The following MBD5 variants were observed in gnomAD, a reference collection of about 807,000 sequenced individuals.
MBD5 encodes the protein methyl-CpG binding domain protein 5.
MBD5 carries 13 observed loss-of-function variants against 117.3 expected under a neutral mutation model. That is an observed-to-expected ratio of 0.11 (90% CI 0.07 to 0.18). MBD5 has a LOEUF of 0.18. Ranked by LOEUF, MBD5 falls within the 10% of genes least tolerant of loss-of-function variation. The probability of loss-of-function intolerance (pLI) is 1.00; values close to 1 mark genes in which losing one functional copy is unlikely to be tolerated. For missense variants in MBD5, 1,879 were observed against 2,093.8 expected (o/e 0.90, Z 2.00); for synonymous variants, 727 against 766.4 (o/e 0.95, Z 0.85).
chr2:148,383,721 G>A (rs1421063105), intron 4 of MBD5, among the ~76,000 whole-genome samples: 2 of 152,038 alleles, frequency 1.3e-5, no homozygotes, highest in African/African-American at 2.4e-5. Context: ...ATAAAATACT[G>A]GCAAACTGAA....
chr2:148,089,270 C>T (rs1453962313), intron 1 of MBD5, among the ~76,000 whole-genome samples: 1 of 152,036 alleles, frequency 6.6e-6, no homozygotes, highest in Non-Finnish European at 1.5e-5. Context: ...GACTTCAGTA[C>T]TCCACTGAGA....
Position 148,256,374 on chromosome 2 carries a change from G to A in MBD5, c.-680+22979G>A, listed in dbSNP as rs72856350. 3.8e-3 allele frequency among the ~76,000 whole-genome samples: 572 copies of A among 152,342 alleles called. 3 individuals are homozygous for A. Among genetic ancestry groups the A allele is most frequent in the Middle Eastern group, 6.8e-3 (2 of 294 alleles). On this transcript the variant is annotated intron_variant, in intron 3 of 13. Transcript: ENST00000642680. ...GGCATCTGCCTCATCATTGCCGGGGGTGGCCAAAGGCATATGGCCTGACAC... is the reference window on the plus strand; with the variant it reads ...GGCATCTGCCTCATCATTGCCGGGGATGGCCAAAGGCATATGGCCTGACAC...
chr2:148,086,299 A>G (rs1482837446), intron 1 of MBD5, among the ~76,000 whole-genome samples: 8 of 152,120 alleles, frequency 5.3e-5, no homozygotes, highest in Non-Finnish European at 1.2e-4. Flanking sequence ...CTGGAGTCAC[A>G]TATTTTGTAA....
chr2:148,331,523 T>C (rs562831429), intron 3 of MBD5, among the ~76,000 whole-genome samples: 1 of 152,316 alleles, frequency 6.6e-6, no homozygotes, highest in East Asian at 1.9e-4. Flanking sequence ...TATTTAGATA[T>C]TGAGTATTTC....
intron 3 of MBD5, among the ~76,000 whole-genome samples, chr2:148,302,009 G>T (rs1701785708): frequency 6.6e-6 from 1 of 152,128 alleles, no homozygotes; most frequent in African/African-American, 2.4e-5. Flanking sequence ...ATGGTTGCCT[G>T]ACATTCTTGG....
In MBD5 at chr2:148,284,253, CT is replaced by C. The variant is rs578078640; in HGVS notation, c.-680+50867del. Among the ~76,000 whole-genome samples, 907 of 151,460 alleles carry C rather than the reference CT, an allele frequency of 6.0e-3. 6 individuals are homozygous for C. Among genetic ancestry groups the C allele is most frequent in the Non-Finnish European group, 9.8e-3 (667 of 67,806 alleles). Reference sequence around the variant, plus strand: ...TTAACCAGCCCCTAATAAAGGAACACTTTTTTTTTCAATCTTTTGCTGATGT... The same window carrying C: ...TTAACCAGCCCCTAATAAAGGAACACTTTTTTTTCAATCTTTTGCTGATGT... On this transcript the variant is annotated intron_variant, in intron 3 of 13. Coordinates refer to ENST00000642680, the MANE Select transcript of MBD5 (RefSeq NM_001378120.1).
At chr2:148,418,191 A>C (rs866902695) in intron 4 of MBD5, among the ~76,000 whole-genome samples, 7 of 152,096 alleles carry the variant, frequency 4.6e-5, no homozygotes, top group South Asian at 4.1e-4. Flanking sequence ...TCTGAATATT[A>C]GTCCTTTTTC....
chr2:148,281,169 T>C (rs1701236475), intron 3 of MBD5, among the ~76,000 whole-genome samples: 1 of 152,174 alleles, frequency 6.6e-6, no homozygotes. Context: ...TGTGCAAACA[T>C]TCTTATCTGC....
chr2:148,143,649 G>A (rs1332279377), intron 1 of MBD5, among the ~76,000 whole-genome samples: 1 of 152,130 alleles, frequency 6.6e-6, no homozygotes, highest in Non-Finnish European at 1.5e-5. Flanking sequence ...TCCCCACCCT[G>A]TGTCCAAGTG....
chr2:148,114,171 G>A (rs1210755278), intron 1 of MBD5, among the ~76,000 whole-genome samples: 1 of 152,020 alleles, frequency 6.6e-6, no homozygotes, highest in Non-Finnish European at 1.5e-5. Flanking sequence ...CAGTTGCTAG[G>A]TAAAGAGTAT....
chr2:148,332,517 G>T (rs1702685124), intron 3 of MBD5, among the ~76,000 whole-genome samples: 1 of 152,116 alleles, frequency 6.6e-6, no homozygotes, highest in Admixed American at 6.5e-5. Context: ...GGTCTTGCCT[G>T]TCTGAAGATG....
chr2:148,299,111 C>T (rs1436704241), intron 3 of MBD5, among the ~76,000 whole-genome samples: 2 of 151,954 alleles, frequency 1.3e-5, no homozygotes, highest in Non-Finnish European at 2.9e-5. Context: ...AAGCTTTGCT[C>T]CATCCTCTGT....
intron 3 of MBD5, among the ~76,000 whole-genome samples, chr2:148,294,952 A>G (rs1434657429): frequency 6.6e-6 from 1 of 152,136 alleles, no homozygotes; most frequent in Non-Finnish European, 1.5e-5. Flanking sequence ...TATGTGAGAA[A>G]TTATTTTTCT....
chr2:148,319,527 A>T lies in MBD5; in HGVS notation c.-679-22687A>T, dbSNP rs570558867. ...GTTTTTTGTAGCTATTGTAAATGGG[A>T]TTGCCTTCTTCATTTGGTCCTTTAC... On this transcript the variant is annotated intron_variant, in intron 3 of 13. Coordinates refer to ENST00000642680, the MANE Select transcript of MBD5 (RefSeq NM_001378120.1). Among the ~76,000 whole-genome samples, 5 of 152,136 alleles carry T rather than the reference A, an allele frequency of 3.3e-5. No individual in the cohort carries two copies. In the South Asian group the frequency reaches 1.0e-3, roughly 32 times the overall value.
intron 4 of MBD5, among the ~76,000 whole-genome samples, chr2:148,365,802 C>G (rs1703680717): frequency 6.6e-6 from 1 of 151,846 alleles, no homozygotes; most frequent in Admixed American, 6.6e-5. Flanking sequence ...ACTGAATAGA[C>G]CAATAAAAAG....
rs745877259 is a variant in MBD5 at position 148,462,563 on chromosome 2, T to G, written c.114-19T>G. 6.7e-6 allele frequency: 10 copies of G among 1,486,696 alleles called. No individual in the cohort carries two copies. The highest frequency in any genetic ancestry group is 1.4e-5 in the African/African-American group (1 of 72,352). The allele number at this position is 1,486,696 out of a possible 1,614,324, so 92.1% of individuals were successfully genotyped here. A position where few individuals can be genotyped will look rare whatever the true frequency, so the allele number is the denominator to read the frequency against. The stretch of plus-strand genomic sequence containing the variant: ...TAGTCAAAATTATTTCCTGATGTTT[T>G]TTTAAACTATTTTTACAGTCCCAGT... On this transcript the variant is annotated intron_variant, in intron 5 of 13. Coordinates refer to ENST00000642680, the MANE Select transcript of MBD5 (RefSeq NM_001378120.1).
chr2:148,483,627 C>T lies in MBD5; in HGVS notation c.3036C>T (p.Ile1012=), dbSNP rs1681237938. 6.4e-6 allele frequency: 10 copies of T among 1,552,088 alleles called. No individual in the cohort carries two copies. The highest frequency in any genetic ancestry group is 8.7e-6 in the Non-Finnish European group (10 of 1,147,526). Residue 1012 remains isoleucine, a synonymous_variant, in exon 9 of 14, where the codon ATC becomes ATT. Transcript: ENST00000642680. The part of the protein sequence containing the change: ...MLPLPSFNLT[I]SDLLQQQNTP... ...CCCTGCCATCTTTCAATCTGACCATCTCAGATCTTTTGCAACAGCAAAATA... is the reference window on the plus strand; with the variant it reads ...CCCTGCCATCTTTCAATCTGACCATTTCAGATCTTTTGCAACAGCAAAATA...
intron 3 of MBD5, among the ~76,000 whole-genome samples, chr2:148,322,967 G>C (rs1160679327): frequency 6.7e-6 from 1 of 149,160 alleles, no homozygotes; most frequent in Non-Finnish European, 1.5e-5. Context: ...CTAGCATTAG[G>C]TATATCTCCC....
intron 1 of MBD5, among the ~76,000 whole-genome samples, chr2:148,084,104 C>T (rs191428998): frequency 7.9e-4 from 120 of 152,184 alleles, no homozygotes; most frequent in Non-Finnish European, 1.4e-3. Context: ...CAATACAAGA[C>T]GAACTTTCAC....
Sources: gnomAD v4.1 joint callset for allele counts (sites outside exome capture counted in the v4.1 genomes callset) on GRCh38, gnomAD v4.1.1 for gene constraint, MANE v1.5 for transcripts, NCBI Gene and HGNC (gene_info 2026-07-23, HGNC 2026-07-21) for gene names.